The following TUBGCP4 variants were observed in gnomAD, a reference collection of about 807,000 sequenced individuals.
The protein encoded by TUBGCP4 is tubulin gamma complex component 4.
TUBGCP4 carries 54 observed loss-of-function variants against 91.6 expected under a neutral mutation model. The ratio of observed to expected loss-of-function variants is 0.59; its 90% CI spans 0.47 to 0.74. The LOEUF (loss-of-function observed/expected upper bound fraction) is 0.74. Among genes scored for constraint, TUBGCP4 ranks in the 30% least tolerant of loss-of-function variants. TUBGCP4 has a pLI of 0.00. For missense variants in TUBGCP4, 593 were observed against 800.9 expected, an observed-to-expected ratio of 0.74 and a Z score of 3.13; for synonymous variants, 297 against 302.8, an observed-to-expected ratio of 0.98 and a Z score of 0.20.
intron 15 of TUBGCP4, 37 bp downstream of exon 15, chr15:43,401,887 A>G (rs754947272): frequency 6.2e-7 from 1 of 1,610,416 alleles, no homozygotes; most frequent in Non-Finnish European, 8.5e-7. Flanking sequence ...GACTGCTTCT[A>G]CCACTGACCA....
chr15:43,386,112 A>C (rs1000654137), intron 8 of TUBGCP4, 94 bp from the exon 9 acceptor site: 1 of 1,534,780 alleles, frequency 6.5e-7, no homozygotes, highest in African/African-American at 1.4e-5. Flanking sequence ...AAGCAGGTGA[A>C]GTTGCTGCCC....
intron 9 of TUBGCP4, among the ~76,000 whole-genome samples, chr15:43,388,355 C>T (rs750220299): frequency 1.3e-5 from 2 of 152,328 alleles, no homozygotes; most frequent in Admixed American, 6.5e-5. Flanking sequence ...TCCTGGTCAT[C>T]AGAGGTAGAG....
intron 1 of TUBGCP4, among the ~76,000 whole-genome samples, chr15:43,372,658 T>C (rs1035632707): frequency 6.6e-6 from 1 of 152,192 alleles, no homozygotes; most frequent in Admixed American, 6.5e-5. Flanking sequence ...AAGTAATTCA[T>C]CTTTTCCCTT....
At chr15:43,401,089 T>C (rs2044669420) in intron 14 of TUBGCP4, among the ~76,000 whole-genome samples, 2 of 152,162 alleles carry the variant, frequency 1.3e-5, no homozygotes, top group South Asian at 4.1e-4. Flanking sequence ...TTGTTTGCTA[T>C]AACTTCTGGA....
intron 9 of TUBGCP4, among the ~76,000 whole-genome samples, chr15:43,393,508 C>T (rs2044518817): frequency 6.6e-6 from 1 of 151,692 alleles, no homozygotes; most frequent in Non-Finnish European, 1.5e-5. Context: ...AGGTTTGTTA[C>T]ATATGTATAC....
intron 16 of TUBGCP4, 41 bp downstream of exon 16, chr15:43,403,840 G>A (rs1426080362): frequency 3.3e-6 from 5 of 1,506,188 alleles, no homozygotes; most frequent in Non-Finnish European, 4.6e-6. Context: ...CGAAAGGACA[G>A]AGGTGGTTTT....
Position 43,400,050 on chromosome 15 carries a change from T to C in TUBGCP4, c.1425T>C (p.Asn475=). The change falls in exon 14 of 18, where the codon AAT becomes AAC. Residue 475 remains asparagine (N), a synonymous_variant. Transcript: ENST00000564079. ...LFTPAVLEKY[N]VVFKYLLSVR... ...CCTGTTATTTCTGTCCTAGGTACAA[T>C]GTTGTTTTTAAGTACTTACTGAGTG... 1 of 1,610,502 alleles carries C rather than the reference T, an allele frequency of 6.2e-7. No individual in the cohort carries two copies. The highest frequency in any genetic ancestry group is 8.5e-7 in the Non-Finnish European group (1 of 1,177,116).
chr15:43,384,016 G>C (rs1566893200), intron 7 of TUBGCP4, among the ~76,000 whole-genome samples: 1 of 152,092 alleles, frequency 6.6e-6, no homozygotes, highest in East Asian at 1.9e-4. Flanking sequence ...GTTTTGTCAT[G>C]TTGGCCAGGC....
chr15:43,401,233 C>T (rs1297602681), intron 14 of TUBGCP4, among the ~76,000 whole-genome samples: 1 of 150,436 alleles, frequency 6.6e-6, no homozygotes, highest in Non-Finnish European at 1.5e-5. Flanking sequence ...AACAGATCAC[C>T]TGAGGTCAGG....
intron 11 of TUBGCP4, among the ~76,000 whole-genome samples, chr15:43,396,780 A>G (rs2044588166): frequency 6.6e-6 from 1 of 152,168 alleles, no homozygotes; most frequent in African/African-American, 2.4e-5. Flanking sequence ...GTCTCTAGCC[A>G]AGTTTACATC....
At chr15:43,379,951 G>A (rs1355213471) in intron 5 of TUBGCP4, 133 bp from the exon 6 acceptor site, 2 of 823,180 alleles carry the variant, frequency 2.4e-6, no homozygotes, top group Non-Finnish European at 4.1e-6. Context: ...GAACCACTAT[G>A]TGTAAATCTT....
chr15:43,387,007 G>C (rs142755671), intron 9 of TUBGCP4, among the ~76,000 whole-genome samples: 1 of 152,130 alleles, frequency 6.6e-6, no homozygotes, highest in East Asian at 1.9e-4. Context: ...TGTCTCTATC[G>C]TTTGCAATAA....
At chr15:43,380,227 CAT>C (rs1305014569) in intron 6 of TUBGCP4, 64 bp downstream of exon 6, 43 of 1,397,048 alleles carry the variant, frequency 3.1e-5, no homozygotes, top group African/African-American at 9.9e-5. Flanking sequence ...TGACTTCTCA[CAT>C]GTTTTATTTT....
At chr15:43,379,030 G>C (rs575176861) in intron 5 of TUBGCP4, among the ~76,000 whole-genome samples, 8 of 152,224 alleles carry the variant, frequency 5.3e-5, no homozygotes, top group African/African-American at 1.9e-4. Flanking sequence ...TTCAACTTCC[G>C]CTGGCTATAG....
At chr15:43,386,036 G>C (rs1329716088) in intron 8 of TUBGCP4, 80 bp downstream of exon 8, 1 of 1,558,824 alleles carries the variant, frequency 6.4e-7, no homozygotes, top group Non-Finnish European at 8.7e-7. Context: ...AGCATGCCTG[G>C]TCAGAGCGAG....
chr15:43,392,116 ACAC>A (rs1161277433), intron 9 of TUBGCP4, among the ~76,000 whole-genome samples: 1 of 149,006 alleles, frequency 6.7e-6, no homozygotes, highest in African/African-American at 2.5e-5. Flanking sequence ...ACACACACAC[ACAC>A]ATATTTTTTT....
chr15:43,407,778 G>A lies in TUBGCP4; in HGVS notation c.*2564G>A. 1.3e-6 allele frequency: 1 copy of A among 797,586 alleles called. No individual in the cohort carries two copies. The highest frequency in any genetic ancestry group is 2.8e-4 in the Middle Eastern group (1 of 3,550). 49.4% of individuals were successfully genotyped at this position (797,586 alleles called of 1,614,324 possible). On this transcript the variant is annotated 3_prime_UTR_variant, in exon 18 of 18. Coordinates refer to ENST00000564079, the MANE Select transcript of TUBGCP4 (RefSeq NM_014444.5). ...GAAATATTTAACAAATATACGTCCA[G>A]TGCTTCACTTATGTTGACTCACCTC... is the stretch of plus-strand genomic sequence containing the variant.
chr15:43,392,821 C>G (rs1303622908), intron 9 of TUBGCP4, among the ~76,000 whole-genome samples: 1 of 152,046 alleles, frequency 6.6e-6, no homozygotes, highest in Non-Finnish European at 1.5e-5. Flanking sequence ...TACTTAGATT[C>G]TATTTTGTTA....
chr15:43,406,736 G>A lies in TUBGCP4; in HGVS notation c.*1522G>A, dbSNP rs1442726158. On this transcript the variant is annotated 3_prime_UTR_variant, in exon 18 of 18. Coordinates refer to ENST00000564079, the MANE Select transcript of TUBGCP4 (RefSeq NM_014444.5). ...ATAATATTGGGTCTTTGACTAGAAC[G>A]TGTAACATTTCCAGGTGTTCTCACT... 6 of 397,748 alleles carry A rather than the reference G, an allele frequency of 1.5e-5. No individual in the cohort carries two copies. The highest frequency in any genetic ancestry group is 6.1e-5 in the Admixed American group (2 of 32,646). 24.6% of individuals were successfully genotyped at this position (397,748 alleles called of 1,614,324 possible). A position where few individuals can be genotyped will look rare whatever the true frequency, so the allele number is the denominator to read the frequency against.
Sources: gnomAD v4.1 joint callset for allele counts (sites outside exome capture counted in the v4.1 genomes callset) on GRCh38, gnomAD v4.1.1 for gene constraint, MANE v1.5 for transcripts, NCBI Gene and HGNC (gene_info 2026-07-23, HGNC 2026-07-21) for gene names.